Variants in XPO5 observed in about 807,000 individuals in gnomAD.
XPO5 encodes exportin-5.
XPO5 carries 46 observed loss-of-function variants against 160.6 expected under a neutral mutation model. The observed-to-expected ratio is 0.29, with a 90% CI of 0.23 to 0.37. The LOEUF (loss-of-function observed/expected upper bound fraction) is 0.37, where lower values mean the gene tolerates loss of function less well. XPO5 is among the 10% of genes least tolerant of loss of function. The probability of loss-of-function intolerance (pLI) is 1.00; values close to 1 mark genes in which losing one functional copy is unlikely to be tolerated. For synonymous variants in XPO5, 537 were observed against 519.3 expected (o/e 1.03, Z -0.46); for missense variants, 1,090 against 1,463.9 (o/e 0.74, Z 4.17).
intron 20 of XPO5, among the ~76,000 whole-genome samples, chr6:43,545,186 T>C (rs1357232014): frequency 6.6e-6 from 1 of 152,110 alleles, no homozygotes; most frequent in Non-Finnish European, 1.5e-5. Context: ...ATATTGTCTA[T>C]TTCCACAGAC....
At chr6:43,542,460 A>G (rs1794745918) in intron 20 of XPO5, among the ~76,000 whole-genome samples, 1 of 151,858 alleles carries the variant, frequency 6.6e-6, no homozygotes, top group Non-Finnish European at 1.5e-5. Flanking sequence ...CCCAGGCTGG[A>G]GTACGGTAAC....
At position 43,535,089 on chromosome 6, in the gene XPO5, G is replaced by A. The variant is rs192723316; in HGVS notation, c.2343-1082C>T. Among the ~76,000 whole-genome samples the A allele has an allele frequency of 1.4e-3, 207 of 150,040 alleles. 2 individuals carry two copies. The highest frequency in any genetic ancestry group is 4.8e-3 in the African/African-American group (196 of 40,682). On this transcript the variant is annotated intron_variant, in intron 20 of 31. Coordinates refer to ENST00000265351, the MANE Select transcript of XPO5 (RefSeq NM_020750.3). ...GGGTGGATCACGAGGTCATGAGATC[G>A]AGACTATCCTGGCTAACACAGTGAA...
At position 43,538,897 on chromosome 6, in the gene XPO5, G is replaced by A. The variant is rs1794515788; in HGVS notation, c.2343-4890C>T. 5 of 1,253,002 alleles carry A rather than the reference G, an allele frequency of 4.0e-6. No individual in the cohort carries two copies. In the East Asian group the frequency reaches 1.2e-4, roughly 29 times the overall value. 77.6% of individuals were successfully genotyped at this position (1,253,002 alleles called of 1,614,324 possible). ...TGTGGGTCTTGACGAGGTGGTCAGT[G>A]AATTCCTGATAGGGAGACTTGGTAA... On this transcript the variant is annotated intron_variant, in intron 20 of 31. Coordinates refer to ENST00000265351, the MANE Select transcript of XPO5 (RefSeq NM_020750.3).
intron 21 of XPO5, among the ~76,000 whole-genome samples, chr6:43,533,103 C>T (rs944649652): frequency 2.0e-5 from 3 of 152,028 alleles, no homozygotes; most frequent in Non-Finnish European, 2.9e-5. Context: ...CCACTGTACA[C>T]CAGCCTGGGT....
chr6:43,539,459 T>G (rs201134741), intron 20 of XPO5: 5 of 1,574,308 alleles, frequency 3.2e-6, no homozygotes, highest in East Asian at 2.2e-5. Flanking sequence ...GGAGAAGAGA[T>G]AGATCTCCTC....
intron 1 of XPO5, among the ~76,000 whole-genome samples, chr6:43,575,377 G>A (rs1180395461): frequency 7.3e-6 from 1 of 137,602 alleles, no homozygotes; most frequent in African/African-American, 2.7e-5. Context: ...GAACGAAGCT[G>A]GTGTTGGGGG....
In XPO5 at chr6:43,565,740, G is replaced by A. The variant is rs1762664431; in HGVS notation, c.835-4C>T. 1 of 1,599,582 alleles carries A rather than the reference G, an allele frequency of 6.3e-7. No individual in the cohort carries two copies. Among genetic ancestry groups the A allele is most frequent in the African/African-American group, 1.3e-5 (1 of 74,394 alleles). ...GCTTCCGGTCTTCCAACTTGCCCTA[G>A]ACCCAATTTTAGGGAAACATAGTCA... is the stretch of plus-strand genomic sequence containing the variant. On this transcript the variant is annotated splice_region_variant and splice_polypyrimidine_tract_variant and intron_variant, in intron 7 of 31. Transcript: ENST00000265351.
In XPO5 at chr6:43,525,091, G is replaced by A. The variant is rs1391682549; in HGVS notation, c.3174+16C>T. On this transcript the variant is annotated intron_variant, in intron 29 of 31. Coordinates refer to ENST00000265351, the MANE Select transcript of XPO5 (RefSeq NM_020750.3). ...ACCTTCCATGAGGGGCAGGGAAAAG[G>A]GGTGAATAACCATACTTGTTTGAGG... 2 of 1,569,856 alleles carry A rather than the reference G, an allele frequency of 1.3e-6. No individual in the cohort carries two copies. The highest frequency in any genetic ancestry group is 2.3e-5 in the East Asian group (1 of 42,578).
At chr6:43,566,888 T>C (rs1762726438) in intron 7 of XPO5, among the ~76,000 whole-genome samples, 1 of 151,614 alleles carries the variant, frequency 6.6e-6, no homozygotes, top group Non-Finnish European at 1.5e-5. Flanking sequence ...ATTCATTAAG[T>C]GAGCTTTAAA....
chr6:43,570,737 G>A (rs1328408208), intron 4 of XPO5, 53 bp from the exon 5 acceptor site: 2 of 1,533,378 alleles, frequency 1.3e-6, no homozygotes, highest in Non-Finnish European at 1.8e-6. Flanking sequence ...TTCATTTTAT[G>A]TATATCCAAA....
rs751250425 is a variant in XPO5, at chr6:43,525,197, T to C, written c.3084A>G (p.Leu1028=). Reference sequence around the variant, plus strand: ...CCAGGGAATTGAAGGCTGTAATTAATAGCGCTGTACAAACATCCTGAACAG... The same window carrying C: ...CCAGGGAATTGAAGGCTGTAATTAACAGCGCTGTACAAACATCCTGAACAG... The part of the protein sequence containing the change: ...LMKHEDVCTA[L]LITAFNSLAW... Residue 1028 remains leucine (L), a synonymous_variant, in exon 29 of 32, where the codon CTA becomes CTG. Coordinates refer to ENST00000265351, the MANE Select transcript of XPO5 (RefSeq NM_020750.3). 1.3e-6 allele frequency: 2 copies of C among 1,578,834 alleles called. No individual in the cohort carries two copies. The highest frequency in any genetic ancestry group is 1.2e-5 in the South Asian group (1 of 86,082).
chr6:43,527,563 G>A, intron 26 of XPO5, 71 bp downstream of exon 26: 1 of 1,497,728 alleles, frequency 6.7e-7, no homozygotes, highest in Non-Finnish European at 9.3e-7. Flanking sequence ...AGGCCTTCAT[G>A]GAGTTGGCTG....
Position 43,551,288 on chromosome 6 carries a change from G to A in XPO5, c.1728+10C>T, listed in dbSNP as rs757428885. ...CAAAATAAAATTTACAAAGGAGATG[G>A]GCTTTATACCTTAGAGAAGACCTGG... On this transcript the variant is annotated intron_variant, in intron 15 of 31. Transcript: ENST00000265351. 51 of 1,574,768 alleles carry A rather than the reference G, an allele frequency of 3.2e-5. No homozygotes were observed. Among genetic ancestry groups the A allele is most frequent in the Non-Finnish European group, 3.7e-5 (43 of 1,166,914 alleles).
At position 43,531,420 on chromosome 6, in the gene XPO5, C is replaced by T. The variant is rs1200257170; in HGVS notation, c.2540+59G>A. The T allele has an allele frequency of 4.7e-6, 7 of 1,502,624 alleles. No homozygotes were observed. The African/African-American group carries it at 5.5e-5, about 12-fold the overall frequency. 93.1% of individuals were successfully genotyped at this position (1,502,624 alleles called of 1,614,324 possible). On this transcript the variant is annotated intron_variant, in intron 22 of 31. Transcript: ENST00000265351. ...CTAGATGAAAAGTCCAACCCATGGA[C>T]ATTCCTATACAATACATATCGAGGA...
rs371886190 is a variant in XPO5, at chr6:43,527,720, T to G, written c.2834A>C (p.Glu945Ala). The G allele has an allele frequency of 8.1e-6, 13 of 1,613,912 alleles. No individual in the cohort carries two copies. The African/African-American group carries it at 1.5e-4, about 18-fold the overall frequency. The change falls in exon 26 of 32, where the codon GAG becomes GCG. Residue 945 changes from glutamate (E) to alanine (A), a missense_variant. Physicochemically the swap from Glu to Ala is moderately radical, Grantham distance 107 (BLOSUM62 -1). Around this residue, in one of 3 missense-constraint regions of XPO5, gnomAD observed 810 missense variants for 1,139.0 expected, o/e 0.71. Coordinates refer to ENST00000265351, the MANE Select transcript of XPO5 (RefSeq NM_020750.3). ...NQRSLLCGED[E>A]AADENPESQE... ...AGACTCTGGGTTTTCATCTGCAGCC[T>G]CATCTTCTCCACTGCAGAAAACCAG...
intron 8 of XPO5, among the ~76,000 whole-genome samples, chr6:43,563,029 T>C (rs781483838): frequency 6.6e-6 from 1 of 152,082 alleles, no homozygotes; most frequent in Non-Finnish European, 1.5e-5. Context: ...AAGTAAAGAG[T>C]ATCAAAAAGA....
At chr6:43,533,078 T>A (rs1451636569) in intron 21 of XPO5, among the ~76,000 whole-genome samples, 5 of 152,110 alleles carry the variant, frequency 3.3e-5, no homozygotes, top group Non-Finnish European at 7.4e-5. Context: ...GAGGTTGCAG[T>A]GAGCTGAGAT....
At chr6:43,525,603 A>T in intron 28 of XPO5, 1 of 551,508 alleles carries the variant, frequency 1.8e-6, no homozygotes, top group Non-Finnish European at 3.2e-6. Flanking sequence ...AACACCAGGG[A>T]TCTGCATCAG....
chr6:43,534,493 G>A (rs1350325353), intron 20 of XPO5, among the ~76,000 whole-genome samples: 1 of 152,168 alleles, frequency 6.6e-6, no homozygotes. Context: ...AACACATGCT[G>A]TCCCCCACCA....
Sources: allele counts gnomAD v4.1 joint callset (sites outside exome capture counted in the v4.1 genomes callset), GRCh38; gene constraint gnomAD v4.1.1; regional missense constraint gnomAD v4.1.1; transcripts MANE v1.5; gene names NCBI Gene and HGNC (gene_info 2026-07-23, HGNC 2026-07-21).